Variants in TPD52 observed in about 807,000 individuals in gnomAD.
The protein encoded by TPD52 is tumor protein D52, also known as prostate and colon associated protein.
Under a neutral mutation model 31.3 loss-of-function variants are expected in TPD52, and 17 were observed. The ratio of observed to expected loss-of-function variants is 0.54; its 90% CI spans 0.37 to 0.82. The LOEUF (loss-of-function observed/expected upper bound fraction) is 0.82. Among genes scored for constraint, TPD52 ranks in the 40% least tolerant of loss-of-function variants. TPD52 has a pLI of 0.00. For missense variants in TPD52, 212 were observed against 240.1 expected (o/e 0.88, Z 0.77); for synonymous variants, 83 against 89.6 (o/e 0.93, Z 0.42).
At chr8:80,041,946 G>A (rs945553344) in intron 7 of TPD52, among the ~76,000 whole-genome samples, 4 of 152,074 alleles carry the variant, frequency 2.6e-5, no homozygotes, top group East Asian at 1.9e-4. Flanking sequence ...AAAATTAGCC[G>A]GGTGTGGTGG....
intron 1 of TPD52, among the ~76,000 whole-genome samples, chr8:80,071,842 C>A (rs918473399): frequency 6.6e-6 from 1 of 152,130 alleles, no homozygotes; most frequent in African/African-American, 2.4e-5. Context: ...ACGCCACTCC[C>A]GTGCCTTAAG....
chr8:80,118,226 A>T (rs1808011222), intron 1 of TPD52, among the ~76,000 whole-genome samples: 1 of 152,212 alleles, frequency 6.6e-6, no homozygotes, highest in Non-Finnish European at 1.5e-5. Context: ...TCTTTTCATT[A>T]AATGGTGCTG....
intron 2 of TPD52, among the ~76,000 whole-genome samples, chr8:80,054,888 A>C (rs898950329): frequency 2.6e-5 from 4 of 152,196 alleles, no homozygotes; most frequent in African/African-American, 9.6e-5. Context: ...GTCACATTTT[A>C]AGATGTACAT....
intron 2 of TPD52, 106 bp downstream of exon 2, chr8:80,064,372 C>A: frequency 2.2e-6 from 2 of 897,928 alleles, no homozygotes; most frequent in Non-Finnish European, 1.8e-6. Context: ...CATATGCTTT[C>A]TCTCCCCTGG....
chr8:80,042,515 A>G, intron 7 of TPD52, 105 bp downstream of exon 7: 1 of 1,515,216 alleles, frequency 6.6e-7, no homozygotes, highest in East Asian at 2.3e-5. Flanking sequence ...TACATTCTTT[A>G]GATATTTTTA....
intron 1 of TPD52, among the ~76,000 whole-genome samples, chr8:80,087,727 A>C (rs2130866278): frequency 6.6e-6 from 1 of 152,268 alleles, no homozygotes; most frequent in East Asian, 1.9e-4. Flanking sequence ...ACAGAAAAGA[A>C]GTCTCCCCAT....
chr8:80,114,262 T>C (rs570210890), intron 1 of TPD52, among the ~76,000 whole-genome samples: 13 of 152,042 alleles, frequency 8.6e-5, no homozygotes, highest in African/African-American at 3.1e-4. Flanking sequence ...AAATCACAAC[T>C]CTGCCTTTCT....
intron 1 of TPD52, among the ~76,000 whole-genome samples, chr8:80,099,503 T>C (rs1008839014): frequency 6.7e-6 from 1 of 149,004 alleles, no homozygotes; most frequent in Non-Finnish European, 1.5e-5. Flanking sequence ...GATGGTGGTC[T>C]AACATCTTTT....
At chr8:80,169,235 C>T (rs1450977827) in intron 1 of TPD52, among the ~76,000 whole-genome samples, 7 of 152,184 alleles carry the variant, frequency 4.6e-5, no homozygotes, top group Non-Finnish European at 8.8e-5. Flanking sequence ...CCTGCCTCAG[C>T]TTCCCAAAGT....
At chr8:80,156,893 G>C (rs1811009890) in intron 1 of TPD52, among the ~76,000 whole-genome samples, 1 of 152,030 alleles carries the variant, frequency 6.6e-6, no homozygotes, top group Non-Finnish European at 1.5e-5. Flanking sequence ...TTGAAGAGGA[G>C]TGGGGTGGGG....
chr8:80,096,836 T>C (rs976733663), intron 1 of TPD52, among the ~76,000 whole-genome samples: 1 of 152,164 alleles, frequency 6.6e-6, no homozygotes, highest in Non-Finnish European at 1.5e-5. Context: ...ATATGGAAAT[T>C]AGGCCAATTA....
chr8:80,067,871 C>T (rs1813333388), intron 1 of TPD52, among the ~76,000 whole-genome samples: 4 of 151,424 alleles, frequency 2.6e-5, no homozygotes, highest in African/African-American at 4.9e-5. Flanking sequence ...CTTATATATT[C>T]GTCTAGATAT....
intron 1 of TPD52, chr8:80,171,003 G>C (rs549918771): frequency 2.4e-6 from 1 of 416,716 alleles, no homozygotes; most frequent in Non-Finnish European, 4.5e-6. Flanking sequence ...ATTTATGAGG[G>C]AGAGAGGGGT....
At chr8:80,171,083 C>A in intron 1 of TPD52, 1 of 600,308 alleles carries the variant, frequency 1.7e-6, no homozygotes, top group South Asian at 1.7e-5. Flanking sequence ...CAGGAGCTGG[C>A]TGCGCCGTGC....
chr8:80,033,045 T>A (rs1809730922), downstream of TPD52: 1 of 152,490 alleles, frequency 6.6e-6, no homozygotes, highest in Non-Finnish European at 1.5e-5. Flanking sequence ...CACCAGCTGC[T>A]GCAGCAGGGT....
intron 1 of TPD52, among the ~76,000 whole-genome samples, chr8:80,121,860 T>A (rs147232107): frequency 1.3e-5 from 2 of 152,170 alleles, no homozygotes; most frequent in Non-Finnish European, 2.9e-5. Flanking sequence ...GGTTTTTTCA[T>A]TGATTTCCAG....
At chr8:80,163,870 CT>C (rs5892715) in intron 1 of TPD52, among the ~76,000 whole-genome samples, 62,709 of 151,790 alleles carry the variant, frequency 0.41, 13,182 homozygotes, top group East Asian at 0.66. Context: ...CTTGGGGAAA[CT>C]TTTTTTAATG....
intron 1 of TPD52, among the ~76,000 whole-genome samples, chr8:80,067,949 A>T (rs987706631): frequency 1.3e-5 from 2 of 152,124 alleles, no homozygotes; most frequent in Non-Finnish European, 2.9e-5. Flanking sequence ...GGCTTTTGGG[A>T]GAAAAGATTA....
At chr8:80,034,269 G>A (rs80179713), downstream of TPD52, among the ~76,000 whole-genome samples, 127 of 152,184 alleles carry the variant, frequency 8.3e-4, no homozygotes, top group Admixed American at 1.5e-3. Flanking sequence ...CCAGGCCCCC[G>A]AGAGCACACA....
Sources: gnomAD v4.1 joint callset for allele counts (sites outside exome capture counted in the v4.1 genomes callset) on GRCh38, gnomAD v4.1.1 for gene constraint, MANE v1.5 for transcripts, NCBI Gene and HGNC (gene_info 2026-07-23, HGNC 2026-07-21) for gene names.